PALM2AKAP2: variants seen among roughly 807,000 people sequenced by gnomAD.
PALM2AKAP2 encodes the protein PALM2-AKAP2 fusion protein.
A neutral mutation model predicts 71.5 loss-of-function variants in PALM2AKAP2; 37 were observed. The ratio of observed to expected loss-of-function variants is 0.52; its 90% CI spans 0.40 to 0.68. PALM2AKAP2 has a LOEUF of 0.68. PALM2AKAP2 is among the 30% of genes least tolerant of loss of function. The probability of loss-of-function intolerance (pLI) is 0.00; values close to 1 mark genes in which losing one functional copy is unlikely to be tolerated. For missense variants in PALM2AKAP2, 1,224 were observed against 1,191.8 expected, an observed-to-expected ratio of 1.03 and a Z score of -0.40; for synonymous variants, 468 against 478.8, an observed-to-expected ratio of 0.98 and a Z score of 0.29.
chr9:109,865,096 C>CTTTTTTTTTTTTT lies in PALM2AKAP2; in HGVS notation c.46-2387_46-2375dup, dbSNP rs58922983. On this transcript the variant is annotated intron_variant, in intron 1 of 9. Transcript: ENST00000302798. ...GTATCTACCTAAATCCTACTCATTC[C>CTTTTTTTTTTTTT]TTTTTTTTTTTTTTTTTTTTGAGAC... 7.9e-3 allele frequency among the ~76,000 whole-genome samples: 600 copies of CTTTTTTTTTTTTT among 75,640 alleles called. 125 individuals carry two copies. Among genetic ancestry groups the CTTTTTTTTTTTTT allele is most frequent in the African/African-American group, 0.019 (341 of 18,346 alleles). 49.6% of individuals were successfully genotyped at this position (75,640 alleles called of 152,430 possible). A position where few individuals can be genotyped will look rare whatever the true frequency, so the allele number is the denominator to read the frequency against.
At chr9:109,658,749 C>T (rs1224830361) in intron 1 of PALM2AKAP2, among the ~76,000 whole-genome samples, 1 of 152,110 alleles carries the variant, frequency 6.6e-6, no homozygotes, top group African/African-American at 2.4e-5. Context: ...CTTGAAAAAC[C>T]ATCAGTTCGT....
At chr9:110,026,524 C>T (rs1000710779) in intron 7 of PALM2AKAP2, among the ~76,000 whole-genome samples, 9 of 152,112 alleles carry the variant, frequency 5.9e-5, no homozygotes, top group Non-Finnish European at 1.3e-4. Context: ...CCGTCTGTGG[C>T]GTTAGGTACA....
chr9:109,868,188 G>T (rs924855685), intron 2 of PALM2AKAP2, among the ~76,000 whole-genome samples: 2 of 152,146 alleles, frequency 1.3e-5, no homozygotes, highest in Non-Finnish European at 2.9e-5. Flanking sequence ...TCTAAAAAGA[G>T]AGAGAGAGAG....
chr9:109,885,435 G>T (rs1427184186), intron 3 of PALM2AKAP2, among the ~76,000 whole-genome samples: 1 of 152,154 alleles, frequency 6.6e-6, no homozygotes, highest in South Asian at 2.1e-4. Context: ...ATCCAAGTAA[G>T]GAGTCCTGTA....
rs1829269930 is a variant in PALM2AKAP2 at position 109,860,083 on chromosome 9, T to C, written c.46-7408T>C. Among the ~76,000 whole-genome samples the C allele has an allele frequency of 4.6e-5, 7 of 152,300 alleles. No homozygotes were observed. In the South Asian group the frequency reaches 1.2e-3, roughly 27 times the overall value. ...AGAGCCAGGAGAGTGAGTTTTAATA[T>C]CTGATGGTGTTGAGATGAGATAACT... On this transcript the variant is annotated intron_variant, in intron 1 of 9. Transcript: ENST00000302798.
chr9:109,755,401 C>G (rs185872079), intron 1 of PALM2AKAP2, among the ~76,000 whole-genome samples: 2 of 152,246 alleles, frequency 1.3e-5, no homozygotes, highest in East Asian at 3.9e-4. Flanking sequence ...GGTTACCATC[C>G]TAGACTATTG....
intron 6 of PALM2AKAP2, among the ~76,000 whole-genome samples, chr9:109,942,354 A>G (rs1216873695): frequency 6.6e-6 from 1 of 152,232 alleles, no homozygotes; most frequent in East Asian, 1.9e-4. Context: ...GCCCTCAGTC[A>G]AGGTAGTTTG....
intron 1 of PALM2AKAP2, among the ~76,000 whole-genome samples, chr9:109,699,898 A>G (rs1587872888): frequency 6.6e-6 from 1 of 151,454 alleles, no homozygotes; most frequent in South Asian, 2.1e-4. Context: ...GCCTCAGCCT[A>G]CTGAGTAGCT....
At chr9:109,749,332 C>T (rs1037263200) in intron 1 of PALM2AKAP2, among the ~76,000 whole-genome samples, 1 of 152,098 alleles carries the variant, frequency 6.6e-6, no homozygotes, top group Non-Finnish European at 1.5e-5. Flanking sequence ...ATTAGAACCA[C>T]TTTCCTGGGC....
chr9:110,031,598 G>A (rs773457951), intron 7 of PALM2AKAP2, among the ~76,000 whole-genome samples: 10 of 152,160 alleles, frequency 6.6e-5, no homozygotes, highest in Non-Finnish European at 1.5e-4. Flanking sequence ...ACCCTATGAG[G>A]TGGGTACTAG....
At chr9:110,041,118 T>C (rs1431368441) in intron 7 of PALM2AKAP2, among the ~76,000 whole-genome samples, 1 of 152,192 alleles carries the variant, frequency 6.6e-6, no homozygotes, top group Non-Finnish European at 1.5e-5. Flanking sequence ...TCCACAAGAT[T>C]TGAGGCCTCT....
intron 1 of PALM2AKAP2, among the ~76,000 whole-genome samples, chr9:109,684,683 A>G (rs541262347): frequency 1.3e-5 from 2 of 152,354 alleles, no homozygotes; most frequent in East Asian, 3.9e-4. Context: ...TAAAACACAC[A>G]CAAAATAAAA....
chr9:109,656,976 T>C (rs1376414788), intron 1 of PALM2AKAP2, among the ~76,000 whole-genome samples: 1 of 152,232 alleles, frequency 6.6e-6, no homozygotes, highest in African/African-American at 2.4e-5. Flanking sequence ...CCCTCCCAAC[T>C]ATATTGAAGC....
intron 1 of PALM2AKAP2, among the ~76,000 whole-genome samples, chr9:109,837,007 C>G (rs1485440750): frequency 6.6e-6 from 1 of 152,112 alleles, no homozygotes; most frequent in African/African-American, 2.4e-5. Context: ...GGCCAACATT[C>G]AAATTCAGGA....
chr9:109,908,737 G>A (rs932405584), intron 3 of PALM2AKAP2, among the ~76,000 whole-genome samples: 9 of 151,780 alleles, frequency 5.9e-5, no homozygotes, highest in African/African-American at 1.9e-4. Flanking sequence ...TGGACAACAG[G>A]CAAAAATATG....
At chr9:110,136,767 C>A in exon 2 of PALM2AKAP2, 2 of 1,614,122 alleles carry the variant, frequency 1.2e-6, no homozygotes, top group Non-Finnish European at 1.7e-6. Flanking sequence ...AAAAAGGAGG[C>A]CAAGTTTGAG....
chr9:110,035,399 TACG>T (rs1833374446), intron 7 of PALM2AKAP2, among the ~76,000 whole-genome samples: 2 of 103,238 alleles, frequency 1.9e-5, no homozygotes, highest in Non-Finnish European at 3.9e-5. Context: ...ATAATACATA[TACG>T]TATATAATAT....
intron 1 of PALM2AKAP2, among the ~76,000 whole-genome samples, chr9:110,086,998 A>G (rs529094410): frequency 6.6e-6 from 1 of 152,254 alleles, no homozygotes. Context: ...AGTAAAACCA[A>G]AGTAATTGCA....
At chr9:109,923,644 G>A in intron 3 of PALM2AKAP2, 91 bp from the exon 4 acceptor site, 37 of 1,353,968 alleles carry the variant, frequency 2.7e-5, no homozygotes, top group Non-Finnish European at 3.6e-5. Flanking sequence ...CTGCCAGGAA[G>A]GTACAAATCG....
Sources: gnomAD v4.1 joint callset for allele counts (sites outside exome capture counted in the v4.1 genomes callset) on GRCh38, gnomAD v4.1.1 for gene constraint, MANE v1.5 for transcripts, NCBI Gene and HGNC (gene_info 2026-07-23, HGNC 2026-07-21) for gene names.